The following PCNX2 variants were observed in gnomAD, a reference collection of about 807,000 sequenced individuals.
PCNX2 encodes pecanex-like protein 2.
In PCNX2, 168 loss-of-function variants were observed where a neutral mutation model predicts 223.8. The observed-to-expected ratio is 0.75, with a 90% CI of 0.66 to 0.85. The LOEUF (loss-of-function observed/expected upper bound fraction) is 0.85, where lower values mean the gene tolerates loss of function less well. PCNX2 is among the 40% of genes least tolerant of loss of function. The pLI is 0.00. For missense variants in PCNX2, 2,507 were observed against 2,675.5 expected, an observed-to-expected ratio of 0.94 and a Z score of 1.39; for synonymous variants, 1,006 against 1,052.6, an observed-to-expected ratio of 0.96 and a Z score of 0.86.
chr1:233,196,889 G>A (rs1243603674), intron 15 of PCNX2, among the ~76,000 whole-genome samples: 2 of 152,138 alleles, frequency 1.3e-5, no homozygotes, highest in Non-Finnish European at 2.9e-5. Context: ...GTGTGGAGAG[G>A]GGACTGACTG....
intron 15 of PCNX2, among the ~76,000 whole-genome samples, chr1:233,184,804 G>T (rs1679997675): frequency 6.6e-6 from 1 of 152,104 alleles, no homozygotes; most frequent in Non-Finnish European, 1.5e-5. Context: ...ACAAGAAAAA[G>T]CAAAGTTATG....
chr1:232,989,753 G>A (rs1669629521), intron 32 of PCNX2, among the ~76,000 whole-genome samples: 3 of 152,344 alleles, frequency 2.0e-5, no homozygotes, highest in Admixed American at 1.3e-4. Flanking sequence ...AATCCAGTGA[G>A]CTTCAGAAAG....
At chr1:233,250,952 A>C in intron 7 of PCNX2, 120 bp from the exon 8 acceptor site, 1 of 1,042,206 alleles carries the variant, frequency 9.6e-7, no homozygotes. Context: ...ATAACTGTTG[A>C]CAATCGGGGT....
At chr1:233,042,032 T>C (rs920124207) in intron 25 of PCNX2, among the ~76,000 whole-genome samples, 1 of 152,222 alleles carries the variant, frequency 6.6e-6, no homozygotes, top group African/African-American at 2.4e-5. Context: ...CATTTTGTGT[T>C]TAGACTTGGG....
At chr1:232,994,987 A>G (rs905513511) in intron 32 of PCNX2, among the ~76,000 whole-genome samples, 12 of 152,214 alleles carry the variant, frequency 7.9e-5, no homozygotes, top group Admixed American at 6.5e-4. Context: ...ACAGACTAAT[A>G]CATTCAGTTT....
At chr1:233,290,531 A>T (rs1661700770) in intron 1 of PCNX2, among the ~76,000 whole-genome samples, 1 of 152,214 alleles carries the variant, frequency 6.6e-6, no homozygotes, top group Admixed American at 6.5e-5. Context: ...GAAAACATTG[A>T]TTGAAAAAAG....
At chr1:233,116,914 A>G (rs929923237) in intron 21 of PCNX2, among the ~76,000 whole-genome samples, 2 of 152,168 alleles carry the variant, frequency 1.3e-5, no homozygotes, top group Non-Finnish European at 2.9e-5. Context: ...GACAAAGAAA[A>G]ACACAAATTA....
rs144192003 is a variant in PCNX2 at position 232,991,345 on chromosome 1, G to A, written c.5792-4805C>T. ...CACTGTTGAGGGACAGCAAGAGACC[G>A]TGTGCTGGGGATGTGGGCTCATAAG... is the stretch of plus-strand genomic sequence containing the variant. On this transcript the variant is annotated intron_variant, in intron 32 of 33. Transcript: ENST00000258229. This position sits in a 1 kb window ranked among gnomAD's most constrained non-coding sequence, Gnocchi z 4.3. 1.6e-4 allele frequency among the ~76,000 whole-genome samples: 25 copies of A among 152,210 alleles called. No homozygotes were observed. Among genetic ancestry groups the A allele is most frequent in the Middle Eastern group, 3.4e-3 (1 of 294 alleles).
At chr1:233,254,452 C>T (rs1305189544) in intron 5 of PCNX2, among the ~76,000 whole-genome samples, 1 of 152,190 alleles carries the variant, frequency 6.6e-6, no homozygotes, top group Non-Finnish European at 1.5e-5. Flanking sequence ...TTTATCATAT[C>T]TTAGACTCCT....
Position 233,146,539 on chromosome 1 carries a change from C to T in PCNX2, c.3518-6684G>A, listed in dbSNP as rs545695498. Reference sequence around the variant, plus strand: ...GATTTCTCAGTTTATAAGAGATCAACAGTGTCAGATTGAGGCCATCACATC... The same window carrying T: ...GATTTCTCAGTTTATAAGAGATCAATAGTGTCAGATTGAGGCCATCACATC... On this transcript the variant is annotated intron_variant, in intron 19 of 33. Coordinates refer to ENST00000258229, the MANE Select transcript of PCNX2 (RefSeq NM_014801.4). Among the ~76,000 whole-genome samples the T allele has an allele frequency of 4.6e-5, 7 of 152,274 alleles. 1 individual carries two copies. In the East Asian group the frequency reaches 1.4e-3, roughly 29 times the overall value.
At chr1:233,252,614 A>T (rs779034999) in intron 6 of PCNX2, 27 bp downstream of exon 6, 1 of 1,602,406 alleles carries the variant, frequency 6.2e-7, no homozygotes, top group South Asian at 1.1e-5. Context: ...TGACCAAGTG[A>T]AACTAAATTA....
chr1:232,998,191 A>G, intron 32 of PCNX2, 60 bp downstream of exon 32: 4 of 1,422,480 alleles, frequency 2.8e-6, no homozygotes, highest in Non-Finnish European at 9.2e-7. Context: ...AACTCAGGGC[A>G]TTGGTCACTG....
intron 10 of PCNX2, among the ~76,000 whole-genome samples, chr1:233,225,176 T>C (rs1262449002): frequency 6.6e-6 from 1 of 151,114 alleles, no homozygotes; most frequent in Non-Finnish European, 1.5e-5. Flanking sequence ...TAAATTTTAG[T>C]GTCTGGATTT....
intron 19 of PCNX2, among the ~76,000 whole-genome samples, chr1:233,147,853 A>G (rs1232811532): frequency 6.6e-6 from 1 of 152,240 alleles, no homozygotes; most frequent in Non-Finnish European, 1.5e-5. Context: ...ACTTAGAAGC[A>G]AAGCAAGATG....
chr1:233,303,240 C>G, the PCNX2 span, among the ~76,000 whole-genome samples: 1 of 152,010 alleles, frequency 6.6e-6, no homozygotes, highest in Non-Finnish European at 1.5e-5. Flanking sequence ...AATCAAAGAT[C>G]ATTATAAAAT....
rs751586500 is a variant in PCNX2 at position 232,986,516 on chromosome 1, G to A, written c.5816C>T (p.Ser1939Phe). The A allele has an allele frequency of 4.5e-6, 7 of 1,544,040 alleles. No homozygotes were observed. The highest frequency in any genetic ancestry group is 6.1e-6 in the Non-Finnish European group (7 of 1,144,686). The change falls in exon 33 of 34, where the codon TCC becomes TTC. Residue 1939 changes from serine (S) to phenylalanine (F), a missense_variant. Transcript: ENST00000258229. ...RTGRRKGRSQ[S>F]VQAHSALSQR... Reference sequence around the variant, plus strand: ...GCTTAGCGCTGAGTGTGCCTGCACGGACTGGCTCCTGCCTTTCCTCCTGCC... The same window carrying A: ...GCTTAGCGCTGAGTGTGCCTGCACGAACTGGCTCCTGCCTTTCCTCCTGCC...
intron 8 of PCNX2, among the ~76,000 whole-genome samples, chr1:233,237,508 T>C (rs2102964799): frequency 6.6e-6 from 1 of 152,326 alleles, no homozygotes; most frequent in South Asian, 2.1e-4. Context: ...TTGTGATCTA[T>C]ATCTAAAATA....
chr1:233,172,019 T>A (rs1012795917), intron 17 of PCNX2, among the ~76,000 whole-genome samples: 5 of 152,210 alleles, frequency 3.3e-5, no homozygotes, highest in Non-Finnish European at 7.3e-5. Context: ...CATTTGTTTG[T>A]TTGTTTGTTT....
At chr1:233,122,907 G>A (rs544504843) in intron 21 of PCNX2, among the ~76,000 whole-genome samples, 3 of 152,258 alleles carry the variant, frequency 2.0e-5, no homozygotes, top group Admixed American at 6.5e-5. Context: ...ATATAAATAC[G>A]AGGAAAGCAT....
Sources: gnomAD v4.1 joint callset for allele counts (sites outside exome capture counted in the v4.1 genomes callset) on GRCh38, gnomAD v4.1.1 for gene constraint, Gnocchi (gnomAD v3.1) non-coding constraint, MANE v1.5 for transcripts, NCBI Gene and HGNC (gene_info 2026-07-23, HGNC 2026-07-21) for gene names.